Variants in GRAMD2A observed in about 807,000 individuals in gnomAD.
The protein encoded by GRAMD2A is GRAM domain containing 2A.
In GRAMD2A, 37 loss-of-function variants were observed where a neutral mutation model predicts 51.1. The observed-to-expected ratio is 0.72, with a 90% confidence interval of 0.56 to 0.95. GRAMD2A has a LOEUF of 0.95. GRAMD2A is among the 40% of genes least tolerant of loss of function. The pLI is 0.00. For missense variants in GRAMD2A, 414 were observed against 426.9 expected, an observed-to-expected ratio of 0.97 and a Z score of 0.27; for synonymous variants, 136 against 157.1, an observed-to-expected ratio of 0.87 and a Z score of 1.01.
At chr15:72,179,870 A>C (rs1413295033) in intron 1 of GRAMD2A, among the ~76,000 whole-genome samples, 2 of 152,196 alleles carry the variant, frequency 1.3e-5, no homozygotes, top group Non-Finnish European at 1.5e-5. Flanking sequence ...AGGCACCCAG[A>C]AAGCTCCATA....
intron 1 of GRAMD2A, among the ~76,000 whole-genome samples, chr15:72,181,588 G>T (rs1019055062): frequency 2.0e-5 from 3 of 152,208 alleles, no homozygotes; most frequent in African/African-American, 7.2e-5. Flanking sequence ...TTTGGAATAT[G>T]TATTTCCAAA....
intron 1 of GRAMD2A, among the ~76,000 whole-genome samples, chr15:72,177,375 C>T (rs1183167980): frequency 6.6e-6 from 1 of 152,218 alleles, no homozygotes; most frequent in Admixed American, 6.5e-5. Context: ...CCAGAACTAC[C>T]CGCTGCTTCC....
intron 1 of GRAMD2A, among the ~76,000 whole-genome samples, chr15:72,174,535 A>G (rs963812785): frequency 1.3e-5 from 2 of 152,188 alleles, no homozygotes; most frequent in African/African-American, 4.8e-5. Context: ...AATTTCTGTC[A>G]GGAGAGGTAT....
At chr15:72,193,539 T>C (rs1257111762) in intron 1 of GRAMD2A, among the ~76,000 whole-genome samples, 6 of 147,158 alleles carry the variant, frequency 4.1e-5, no homozygotes, top group Non-Finnish European at 7.5e-5. Flanking sequence ...TTTTTTTTTT[T>C]CGAGACGCAG....
At chr15:72,195,441 T>C (rs959145924) in intron 1 of GRAMD2A, among the ~76,000 whole-genome samples, 2 of 151,788 alleles carry the variant, frequency 1.3e-5, no homozygotes, top group African/African-American at 4.8e-5. Context: ...AGGGGCGGGG[T>C]GGAGCCACCC....
rs774701088 is a variant in GRAMD2A, at chr15:72,170,306, G to C, written c.42-367C>G. On this transcript the variant is annotated intron_variant, in intron 1 of 11. Transcript: ENST00000309731. The surrounding 1 kb of genome is among the most constrained non-coding windows in gnomAD (Gnocchi z 4.5). ...ACTGAGAGGGAGGACCCTGAGACTC[G>C]CTTATGCCGAGAACAAAAGTGTCCA... 19 of 479,154 alleles carry C rather than the reference G, an allele frequency of 4.0e-5. No homozygotes were observed. Among genetic ancestry groups the C allele is most frequent in the Non-Finnish European group, 7.0e-5 (17 of 242,598 alleles). 29.7% of individuals were successfully genotyped at this position (479,154 alleles called of 1,614,324 possible).
At chr15:72,192,710 T>G (rs928377421) in intron 1 of GRAMD2A, among the ~76,000 whole-genome samples, 1 of 152,270 alleles carries the variant, frequency 6.6e-6, no homozygotes, top group Non-Finnish European at 1.5e-5. Context: ...TTAAACTAAT[T>G]CTTCAAGTGA....
At chr15:72,196,266 A>G (rs2081804463) in intron 1 of GRAMD2A, among the ~76,000 whole-genome samples, 1 of 152,192 alleles carries the variant, frequency 6.6e-6, no homozygotes, top group African/African-American at 2.4e-5. Flanking sequence ...CTGTAATGCT[A>G]GCACTTTGGG....
rs533516125 is a variant in GRAMD2A at position 72,163,036 on chromosome 15, C to T, written c.956+230G>A. Among the ~76,000 whole-genome samples, 13 of 152,290 alleles carry T rather than the reference C, an allele frequency of 8.5e-5. No homozygotes were observed. The East Asian group carries it at 2.5e-3, about 29-fold the overall frequency. ...ATCTCCATATCCTGCCCCTCTCCAC[C>T]AAATAGTCTTAACCCTAAATTACAG... is the stretch of plus-strand genomic sequence containing the variant. On this transcript the variant is annotated intron_variant, in intron 10 of 11. Transcript: ENST00000309731.
Position 72,160,601 on chromosome 15 carries a change from G to C in GRAMD2A, c.*1408C>G, listed in dbSNP as rs969077297. On this transcript the variant is annotated 3_prime_UTR_variant, in exon 12 of 12. Transcript: ENST00000309731. Reference sequence around the variant, plus strand: ...ATTAATCTCTCAGTGTCTGAAGAGGGGAAAACAGTGGCTGCTTCTGACACC... The same window carrying C: ...ATTAATCTCTCAGTGTCTGAAGAGGCGAAAACAGTGGCTGCTTCTGACACC... 1 of 152,184 alleles carries C rather than the reference G, an allele frequency of 6.6e-6. No individual in the cohort carries two copies. The highest frequency in any genetic ancestry group is 1.5e-5 in the Non-Finnish European group (1 of 68,056). The allele number at this position is 152,184 out of a possible 1,614,324, so 9.4% of individuals were successfully genotyped here.
At chr15:72,192,284 A>G (rs1359785586) in intron 1 of GRAMD2A, among the ~76,000 whole-genome samples, 4 of 152,238 alleles carry the variant, frequency 2.6e-5, no homozygotes, top group Non-Finnish European at 5.9e-5. Flanking sequence ...ATAAAAAGTT[A>G]GCAATTCAGA....
intron 1 of GRAMD2A, among the ~76,000 whole-genome samples, chr15:72,183,567 C>T (rs976346397): frequency 6.6e-6 from 1 of 151,888 alleles, no homozygotes; most frequent in African/African-American, 2.4e-5. Context: ...TGGTGGCTCA[C>T]GCCTGTAATC....
rs2081544191 is a variant in GRAMD2A at position 72,166,341 on chromosome 15, T to A, written c.543+291A>T. ...TGTGTACCTCTATTAAACACATTTT[T>A]GACTTACGATATTTTCAACTTTTGA... On this transcript the variant is annotated intron_variant, in intron 7 of 11. Transcript: ENST00000309731. This position sits in a 1 kb window ranked among gnomAD's most constrained non-coding sequence, Gnocchi z 4.1. Among the ~76,000 whole-genome samples, 1 of 152,202 alleles carries A rather than the reference T, an allele frequency of 6.6e-6. No individual in the cohort carries two copies. Among genetic ancestry groups the A allele is most frequent in the Non-Finnish European group, 1.5e-5 (1 of 68,034 alleles).
rs2140544562 is a variant in GRAMD2A, at chr15:72,165,344, C to T, written c.600+10G>A. On this transcript the variant is annotated intron_variant, in intron 8 of 11. Coordinates refer to ENST00000309731, the MANE Select transcript of GRAMD2A (RefSeq NM_001012642.3). ...GTCCAGCAGTCTTTGCTCCCAGCTT[C>T]AGCTCTCACCAGAGACTCAGGTTCC... 5 of 1,613,604 alleles carry T rather than the reference C, an allele frequency of 3.1e-6. No homozygotes were observed. In the East Asian group the frequency reaches 1.1e-4, roughly 36 times the overall value.
intron 1 of GRAMD2A, among the ~76,000 whole-genome samples, chr15:72,186,020 T>G (rs1008248636): frequency 2.6e-5 from 4 of 152,200 alleles, no homozygotes; most frequent in African/African-American, 9.6e-5. Context: ...CTTCTGTATA[T>G]CAAAATTTAA....
chr15:72,173,192 G>C (rs964508539), intron 1 of GRAMD2A, among the ~76,000 whole-genome samples: 1 of 152,196 alleles, frequency 6.6e-6, no homozygotes, highest in African/African-American at 2.4e-5. Flanking sequence ...CTGAAATACA[G>C]TGGGGTTCCT....
At chr15:72,171,636 G>A (rs994689674) in intron 1 of GRAMD2A, among the ~76,000 whole-genome samples, 1 of 152,014 alleles carries the variant, frequency 6.6e-6, no homozygotes, top group Admixed American at 6.6e-5. Context: ...ATTGTCTCTC[G>A]CTCACCTTTG....
In GRAMD2A at chr15:72,163,295, A is replaced by G. The variant is rs539212254; in HGVS notation, c.927T>C (p.Asp309=). 4.3e-6 allele frequency: 7 copies of G among 1,614,020 alleles called. No individual in the cohort carries two copies. In the East Asian group the frequency reaches 1.1e-4, roughly 26 times the overall value. The change falls in exon 10 of 12, where the codon GAT becomes GAC. Residue 309 remains aspartate, a synonymous_variant. Transcript: ENST00000309731. ...PRSTGELRLW[D]YRLLKVFFVL... is the part of the protein sequence containing the mutation. Reference sequence around the variant, plus strand: ...CAAAGAAGACCTTGAGGAGCCGGTAATCCCAGAGCCTCAGCTCCCCAGTGC... The same window carrying G: ...CAAAGAAGACCTTGAGGAGCCGGTAGTCCCAGAGCCTCAGCTCCCCAGTGC...
At chr15:72,167,695 C>T (rs1445965796) in intron 5 of GRAMD2A, 41 bp downstream of exon 5, 1 of 1,456,994 alleles carries the variant, frequency 6.9e-7, no homozygotes, top group African/African-American at 1.4e-5. Flanking sequence ...GAGGCTGGCT[C>T]CCCTCACAGG....
Sources: allele counts gnomAD v4.1 joint callset (sites outside exome capture counted in the v4.1 genomes callset), GRCh38; gene constraint gnomAD v4.1.1; non-coding constraint Gnocchi (gnomAD v3.1); transcripts MANE v1.5; gene names NCBI Gene and HGNC (gene_info 2026-07-23, HGNC 2026-07-21).